The following SEM1 variants were observed in gnomAD, a reference collection of about 807,000 sequenced individuals.
SEM1 encodes SEM1 26S proteasome subunit.
SEM1 carries 3 observed loss-of-function variants against 12.7 expected under a neutral mutation model. The ratio of observed to expected loss-of-function variants is 0.24; its 90% CI spans 0.11 to 0.61. SEM1 has a LOEUF of 0.61. SEM1 is among the 20% of genes least tolerant of loss of function. The pLI is 0.88. For missense variants in SEM1, 59 were observed against 81.3 expected (o/e 0.73, Z 1.06); for synonymous variants, 30 against 27.8 (o/e 1.08, Z -0.25).
chr7:96,491,936 C>A (rs1803024638), intron 1 of SEM1, among the ~76,000 whole-genome samples: 1 of 152,174 alleles, frequency 6.6e-6, no homozygotes, highest in Admixed American at 6.5e-5. Context: ...GAAAAAGAGG[C>A]ATACAGCTAG....
downstream of SEM1, among the ~76,000 whole-genome samples, chr7:96,621,030 T>C (rs1487359871): frequency 6.6e-6 from 1 of 152,130 alleles, no homozygotes; most frequent in African/African-American, 2.4e-5. Flanking sequence ...ATTTGACCCA[T>C]CTTACATGAA....
chr7:96,571,390 T>C (rs1584772680), intron 2 of SEM1, among the ~76,000 whole-genome samples: 1 of 151,914 alleles, frequency 6.6e-6, no homozygotes, highest in Non-Finnish European at 1.5e-5. Flanking sequence ...ATAATGTGTA[T>C]GGAAGGGTTC....
At chr7:96,568,632 T>C (rs761480350) in intron 2 of SEM1, among the ~76,000 whole-genome samples, 3 of 151,788 alleles carry the variant, frequency 2.0e-5, no homozygotes, top group Non-Finnish European at 3.0e-5. Context: ...CTCCTTCAGG[T>C]TTCAGTATAT....
At position 96,522,646 on chromosome 7, in the gene SEM1, G is replaced by T. The variant is rs186940892; in HGVS notation, c.171-15948C>A. ...TAATCCCAGCACTTTGGGAGGCCAA[G>T]GCAGGCAGATCATCTGAGGTCGGGA... On this transcript the variant is annotated intron_variant and NMD_transcript_variant, in intron 2 of 3. Coordinates refer to the SEM1 transcript ENST00000466986. Among the ~76,000 whole-genome samples the T allele has an allele frequency of 5.4e-3, 821 of 151,666 alleles. 4 individuals carry two copies. Among genetic ancestry groups the T allele is most frequent in the Non-Finnish European group, 8.5e-3 (576 of 67,922 alleles).
At chr7:96,589,265 T>A (rs185067467) in intron 2 of SEM1, among the ~76,000 whole-genome samples, 1 of 152,262 alleles carries the variant, frequency 6.6e-6, no homozygotes, top group African/African-American at 2.4e-5. Context: ...TGGCGCCTGC[T>A]ACCAGGCCCT....
rs958913320 is a variant in SEM1, at chr7:96,489,164, G to A, written c.13-2747C>T. Among the ~76,000 whole-genome samples, 77 of 152,070 alleles carry A rather than the reference G, an allele frequency of 5.1e-4. 1 individual carries two copies. The highest frequency in any genetic ancestry group is 1.8e-3 in the African/African-American group (73 of 41,412). On this transcript the variant is annotated intron_variant, in intron 1 of 3. Transcript: ENST00000356686. ...TTTTCAGATGTACTCTCACAGTGCC[G>A]CCAGAAGAACACATGAACACTCCTC...
chr7:96,553,341 G>A (rs2115857227), intron 2 of SEM1, among the ~76,000 whole-genome samples: 1 of 151,682 alleles, frequency 6.6e-6, no homozygotes, highest in African/African-American at 2.4e-5. Context: ...TAACATTTAA[G>A]TCTTTAATCC....
exon 4 of SEM1, chr7:96,483,536 A>T (rs1366161920): frequency 5.9e-6 from 2 of 340,006 alleles, no homozygotes. Context: ...CTACATGTCC[A>T]TATTGCATCA....
intron 1 of SEM1, among the ~76,000 whole-genome samples, chr7:96,701,267 T>G (rs962804068): frequency 3.3e-5 from 5 of 151,464 alleles, no homozygotes; most frequent in African/African-American, 7.3e-5. Context: ...AAAATTCTTA[T>G]GTTGAAGCCC....
intron 2 of SEM1, among the ~76,000 whole-genome samples, chr7:96,528,186 A>G (rs944184512): frequency 7.9e-5 from 12 of 152,034 alleles, no homozygotes; most frequent in Admixed American, 6.6e-4. Context: ...CATTTGCCCA[A>G]TAATTTTGTG....
At chr7:96,622,460 T>C, downstream of SEM1, 1 of 566,350 alleles carries the variant, frequency 1.8e-6, no homozygotes, top group Non-Finnish European at 3.2e-6. Flanking sequence ...GAAATATCAG[T>C]GCAGTTTCTA....
rs956798248 is a variant in SEM1 at position 96,597,692 on chromosome 7, T to C, written c.171-90994A>G. 4.8e-4 allele frequency among the ~76,000 whole-genome samples: 72 copies of C among 150,560 alleles called. 1 individual carries two copies. Among genetic ancestry groups the C allele is most frequent in the African/African-American group, 1.7e-3 (68 of 41,104 alleles). On this transcript the variant is annotated intron_variant and NMD_transcript_variant, in intron 2 of 3. Coordinates refer to the SEM1 transcript ENST00000466986. ...AGTATATATGATATATATATATATA[T>C]ATACACACACACACACCACATACAC...
At chr7:96,633,417 C>T (rs1253988468) in intron 2 of SEM1, among the ~76,000 whole-genome samples, 1 of 152,022 alleles carries the variant, frequency 6.6e-6, no homozygotes, top group African/African-American at 2.4e-5. Context: ...CACATTTAAA[C>T]CTTCTTTTAA....
chr7:96,607,057 C>G (rs1255892559), intron 2 of SEM1, among the ~76,000 whole-genome samples: 3 of 152,084 alleles, frequency 2.0e-5, no homozygotes, highest in African/African-American at 7.2e-5. Flanking sequence ...GTCTTCTCTC[C>G]CTCCATCCCT....
downstream of SEM1, among the ~76,000 whole-genome samples, chr7:96,672,226 G>A (rs901240837): frequency 6.6e-6 from 1 of 152,134 alleles, no homozygotes; most frequent in African/African-American, 2.4e-5. Context: ...AACAGTGGTG[G>A]GCAGGAAACC....
chr7:96,592,260 C>T (rs1458425537), intron 2 of SEM1, among the ~76,000 whole-genome samples: 1 of 151,744 alleles, frequency 6.6e-6, no homozygotes, highest in Non-Finnish European at 1.5e-5. Flanking sequence ...AAGACAACTC[C>T]CTCCTTAGCC....
chr7:96,680,772 G>C (rs1789588037), intron 2 of SEM1, among the ~76,000 whole-genome samples: 1 of 152,082 alleles, frequency 6.6e-6, no homozygotes, highest in African/African-American at 2.4e-5. Context: ...ATTTATCCTT[G>C]TATCAACCTT....
At chr7:96,616,032 A>G (rs1199631827) in intron 2 of SEM1, among the ~76,000 whole-genome samples, 3 of 152,142 alleles carry the variant, frequency 2.0e-5, no homozygotes, top group African/African-American at 4.8e-5. Flanking sequence ...TTTTTGATAT[A>G]ATTTCTTTCC....
At position 96,593,912 on chromosome 7, in the gene SEM1, G is replaced by T. The variant is rs192972926; in HGVS notation, c.171-87214C>A. 6.2e-3 allele frequency among the ~76,000 whole-genome samples: 877 copies of T among 141,524 alleles called. 8 individuals carry two copies. The highest frequency in any genetic ancestry group is 0.022 in the African/African-American group (834 of 38,616). 92.8% of individuals were successfully genotyped at this position (141,524 alleles called of 152,430 possible). ...ACTATGTAGATAAAAAGTTGGGTTT[G>T]TTTTTTTTTTAATAAGCAAAACTGG... On this transcript the variant is annotated intron_variant and NMD_transcript_variant, in intron 2 of 3. Transcript: ENST00000466986.
Sources: allele counts gnomAD v4.1 joint callset (sites outside exome capture counted in the v4.1 genomes callset), GRCh38; gene constraint gnomAD v4.1.1; transcripts MANE v1.5; gene names NCBI Gene and HGNC (gene_info 2026-07-23, HGNC 2026-07-21).